Variants in FAM20B observed in about 807,000 individuals in gnomAD.
FAM20B encodes FAM20B glycosaminoglycan xylosylkinase, also known as glycosaminoglycan xylosylkinase.
In FAM20B, 23 loss-of-function variants were observed where a neutral mutation model predicts 43.8. That is an observed-to-expected ratio of 0.53 (90% confidence interval 0.38 to 0.74). The LOEUF is 0.74. FAM20B is among the 30% of genes least tolerant of loss of function. FAM20B has a pLI of 0.00. For synonymous variants in FAM20B, 178 were observed against 192.4 expected (o/e 0.93, Z 0.62); for missense variants, 440 against 510.5 (o/e 0.86, Z 1.33).
At chr1:179,020,154 TACAC>T in the FAM20B span, among the ~76,000 whole-genome samples, 10,016 of 148,566 alleles carry the variant, frequency 0.067, 656 homozygotes, top group African/African-American at 0.16. Flanking sequence ...TGTGTGTGTA[TACAC>T]ACACACACAC....
chr1:179,049,804 A>G (rs1650925300), intron 2 of FAM20B, among the ~76,000 whole-genome samples: 1 of 152,216 alleles, frequency 6.6e-6, no homozygotes. Context: ...GGCCTGCCAA[A>G]GTGCTGGGAT....
upstream of FAM20B, chr1:179,025,888 G>T (rs1167578491): frequency 6.7e-6 from 1 of 149,352 alleles, no homozygotes; most frequent in East Asian, 2.0e-4. Flanking sequence ...TCGGAGGCGG[G>T]GGGGTGGGTG....
upstream of FAM20B, among the ~76,000 whole-genome samples, chr1:179,023,036 G>C (rs931663439): frequency 1.4e-4 from 22 of 152,218 alleles, 1 homozygote; most frequent in Admixed American, 8.5e-4. Context: ...CCTTAGGTTG[G>C]AGGATAAGGA....
At chr1:179,049,493 C>A (rs1366807260) in intron 2 of FAM20B, among the ~76,000 whole-genome samples, 3 of 152,300 alleles carry the variant, frequency 2.0e-5, no homozygotes, top group African/African-American at 7.2e-5. Context: ...TATTTTCCCC[C>A]AAATTTAAAT....
chr1:179,019,594 C>G, the FAM20B span, among the ~76,000 whole-genome samples: 1 of 152,076 alleles, frequency 6.6e-6, no homozygotes, highest in Non-Finnish European at 1.5e-5. Flanking sequence ...TCCCGAGTAC[C>G]TGGGATTACA....
upstream of FAM20B, among the ~76,000 whole-genome samples, chr1:179,024,358 G>C (rs1345879451): frequency 6.6e-6 from 1 of 152,210 alleles, no homozygotes; most frequent in Non-Finnish European, 1.5e-5. Context: ...GTCCTTGTCA[G>C]AGTTACAGGC....
At chr1:179,049,889 T>C (rs1650930745) in intron 2 of FAM20B, among the ~76,000 whole-genome samples, 2 of 152,222 alleles carry the variant, frequency 1.3e-5, no homozygotes, top group Admixed American at 6.5e-5. Context: ...CAGGTCAGTC[T>C]AATAAACATT....
chr1:179,029,531 C>A (rs1324907799), intron 1 of FAM20B, among the ~76,000 whole-genome samples: 1 of 152,190 alleles, frequency 6.6e-6, no homozygotes, highest in Non-Finnish European at 1.5e-5. Context: ...CGTCTGTCAT[C>A]CCAGTGTGAG....
intron 7 of FAM20B, among the ~76,000 whole-genome samples, chr1:179,067,919 A>G (rs969447708): frequency 6.6e-6 from 1 of 152,084 alleles, no homozygotes; most frequent in Non-Finnish European, 1.5e-5. Flanking sequence ...ACCTGCCACC[A>G]AACCCAGCTA....
At chr1:179,018,150 G>C in the FAM20B span, among the ~76,000 whole-genome samples, 1 of 152,152 alleles carries the variant, frequency 6.6e-6, no homozygotes, top group Non-Finnish European at 1.5e-5. Context: ...AGTTCCCTCT[G>C]TGTCACATGT....
At chr1:179,024,655 C>T (rs1006536000), upstream of FAM20B, among the ~76,000 whole-genome samples, 2 of 152,232 alleles carry the variant, frequency 1.3e-5, no homozygotes, top group Non-Finnish European at 2.9e-5. Flanking sequence ...TGTACGTCTC[C>T]TGCAGTGATT....
intron 1 of FAM20B, among the ~76,000 whole-genome samples, chr1:179,030,761 A>G (rs1400346851): frequency 6.6e-6 from 1 of 152,002 alleles, no homozygotes; most frequent in East Asian, 1.9e-4. Context: ...TTCCACAAAC[A>G]CTTATCAGAT....
At chr1:179,055,688 C>G (rs115432432) in intron 4 of FAM20B, among the ~76,000 whole-genome samples, 1 of 152,034 alleles carries the variant, frequency 6.6e-6, no homozygotes, top group South Asian at 2.1e-4. Flanking sequence ...ACCTGCTCTT[C>G]AAAGGCTCAC....
At chr1:179,052,956 A>ATATTTCATTGT (rs1219943937) in intron 3 of FAM20B, among the ~76,000 whole-genome samples, 1 of 152,200 alleles carries the variant, frequency 6.6e-6, no homozygotes, top group African/African-American at 2.4e-5. Context: ...ATGTAAAGTG[A>ATATTTCATTGT]TATTTCATTG....
chr1:179,018,878 C>T, the FAM20B span, among the ~76,000 whole-genome samples: 4 of 152,124 alleles, frequency 2.6e-5, no homozygotes, highest in Non-Finnish European at 5.9e-5. Context: ...GTCTGCAAGC[C>T]GAGGACCCAG....
At position 179,047,476 on chromosome 1, in the gene FAM20B, C is replaced by T. The variant is rs191851980; in HGVS notation, c.378-2803C>T. Among the ~76,000 whole-genome samples the T allele has an allele frequency of 5.5e-3, 832 of 152,290 alleles. 24 individuals carry two copies. The highest frequency in any genetic ancestry group is 0.047 in the Admixed American group (723 of 15,288). Reference sequence around the variant, plus strand: ...TATACTCAGCCTTATCTTCCTTTTGCTCTTTGTTTCTGTCAAACTCTGGCC... The same window carrying T: ...TATACTCAGCCTTATCTTCCTTTTGTTCTTTGTTTCTGTCAAACTCTGGCC... On this transcript the variant is annotated intron_variant, in intron 2 of 7. Transcript: ENST00000263733.
chr1:179,020,978 G>C (rs1412708203), upstream of FAM20B, among the ~76,000 whole-genome samples: 1 of 152,220 alleles, frequency 6.6e-6, no homozygotes, highest in Non-Finnish European at 1.5e-5. Context: ...GGCTGAGGCA[G>C]GAGAATCGCT....
intron 7 of FAM20B, among the ~76,000 whole-genome samples, chr1:179,071,533 T>C (rs1290992530): frequency 6.6e-6 from 1 of 152,188 alleles, no homozygotes; most frequent in East Asian, 1.9e-4. Flanking sequence ...CAGCATCATA[T>C]CATAGGCATT....
intron 2 of FAM20B, 44 bp downstream of exon 2, chr1:179,044,268 C>G (rs771556018): frequency 4.0e-5 from 61 of 1,542,332 alleles, no homozygotes; most frequent in Middle Eastern, 1.8e-4. Context: ...TTGGTTGATT[C>G]ATTTAACTTG....
Sources: allele counts gnomAD v4.1 joint callset (sites outside exome capture counted in the v4.1 genomes callset), GRCh38; gene constraint gnomAD v4.1.1; transcripts MANE v1.5; gene names NCBI Gene and HGNC (gene_info 2026-07-23, HGNC 2026-07-21).